The following RGS22 variants were observed in gnomAD, a reference collection of about 807,000 sequenced individuals.
The protein encoded by RGS22 is regulator of G protein signaling 22.
Under a neutral mutation model 172.9 loss-of-function variants are expected in RGS22, and 148 were observed. The observed-to-expected ratio is 0.86, with a 90% confidence interval of 0.75 to 0.98. RGS22 has a LOEUF of 0.98. RGS22 is among the 50% of genes least tolerant of loss of function. RGS22 has a pLI of 0.00. For missense variants in RGS22, 1,347 were observed against 1,440.8 expected (o/e 0.93, Z 1.05); for synonymous variants, 458 against 480.2 (o/e 0.95, Z 0.60).
intron 3 of RGS22, among the ~76,000 whole-genome samples, chr8:100,086,188 T>C (rs1812146532): frequency 6.6e-6 from 1 of 151,858 alleles, no homozygotes; most frequent in African/African-American, 2.4e-5. Context: ...AAAATAAAAA[T>C]AAAAGATACA....
chr8:100,002,430 C>A, intron 17 of RGS22, 66 bp from the exon 18 acceptor site: 1 of 1,469,808 alleles, frequency 6.8e-7, no homozygotes, highest in Non-Finnish European at 9.1e-7. Flanking sequence ...AGTAAACACC[C>A]GATTGTTGTT....
intron 4 of RGS22, among the ~76,000 whole-genome samples, chr8:100,073,041 T>C (rs1248609231): frequency 6.6e-6 from 1 of 152,226 alleles, no homozygotes; most frequent in Non-Finnish European, 1.5e-5. Context: ...GTTACTGTTG[T>C]TCATCCTAAA....
At chr8:99,996,823 C>T (rs183004166) in intron 19 of RGS22, among the ~76,000 whole-genome samples, 9 of 152,270 alleles carry the variant, frequency 5.9e-5, no homozygotes, top group East Asian at 5.8e-4. Context: ...AAGACAATTA[C>T]GACTTCTCAG....
intron 11 of RGS22, among the ~76,000 whole-genome samples, chr8:100,044,012 T>G (rs1188785225): frequency 6.6e-6 from 1 of 152,012 alleles, no homozygotes; most frequent in Non-Finnish European, 1.5e-5. Context: ...GAGACACAAA[T>G]TACCAAAAAT....
intron 24 of RGS22, among the ~76,000 whole-genome samples, chr8:99,963,325 T>A (rs947303715): frequency 4.6e-5 from 7 of 152,210 alleles, no homozygotes; most frequent in African/African-American, 1.7e-4. Flanking sequence ...GTGGTGATAT[T>A]CTGTTTCTCA....
intron 23 of RGS22, among the ~76,000 whole-genome samples, chr8:99,975,955 T>G (rs907591547): frequency 6.6e-6 from 1 of 152,098 alleles, no homozygotes; most frequent in Non-Finnish European, 1.5e-5. Context: ...TTTGGGAGGC[T>G]GAGGTGGGCG....
At chr8:99,972,070 G>C (rs1360321902) in intron 23 of RGS22, among the ~76,000 whole-genome samples, 1 of 152,104 alleles carries the variant, frequency 6.6e-6, no homozygotes, top group Non-Finnish European at 1.5e-5. Flanking sequence ...CAATGGAACA[G>C]AACAGAGGCC....
At chr8:99,991,143 C>T (rs1264747834) in intron 20 of RGS22, among the ~76,000 whole-genome samples, 1 of 152,160 alleles carries the variant, frequency 6.6e-6, no homozygotes, top group African/African-American at 2.4e-5. Flanking sequence ...GTAGATAAAA[C>T]CACAAAGATG....
chr8:99,961,516 G>A (rs531058607), intron 27 of RGS22, among the ~76,000 whole-genome samples: 1 of 152,296 alleles, frequency 6.6e-6, no homozygotes, highest in Admixed American at 6.5e-5. Context: ...CTTGAAGAAG[G>A]ACATGTTTGC....
At chr8:100,085,709 G>A (rs766391980) in intron 3 of RGS22, among the ~76,000 whole-genome samples, 9 of 152,168 alleles carry the variant, frequency 5.9e-5, no homozygotes, top group Non-Finnish European at 8.8e-5. Flanking sequence ...ACAACATACT[G>A]TAAGAGGCAG....
chr8:100,016,398 G>A (rs762490836), intron 14 of RGS22, among the ~76,000 whole-genome samples: 2 of 151,980 alleles, frequency 1.3e-5, no homozygotes, highest in East Asian at 1.9e-4. Context: ...TCCTCACCAC[G>A]TTTATTGAAT....
chr8:100,087,965 C>A (rs761542088), intron 3 of RGS22, among the ~76,000 whole-genome samples: 2 of 152,068 alleles, frequency 1.3e-5, no homozygotes, highest in African/African-American at 4.8e-5. Flanking sequence ...CCCAGAGGTG[C>A]AAACACTGAA....
At position 100,063,655 on chromosome 8, in the gene RGS22, T is replaced by G; in HGVS notation, c.1113A>C (p.Gln371His). 1 of 1,614,106 alleles carries G rather than the reference T, an allele frequency of 6.2e-7. No homozygotes were observed. Among genetic ancestry groups the G allele is most frequent in the Non-Finnish European group, 8.5e-7 (1 of 1,180,008 alleles). Residue 371 changes from glutamine (Q) to histidine (H), a missense_variant, in exon 8 of 28, where the codon CAA becomes CAC. Transcript: ENST00000360863. ...TCTCTTCTGACCTCTCCTTTGTAGT[T>G]TGAACTAATTCACTTAAAAAATTCT... Reference protein sequence around the residue: ...HGKNFLSELVQTTKERSEEIE... With the variant: ...HGKNFLSELVHTTKERSEEIE...
intron 9 of RGS22, among the ~76,000 whole-genome samples, chr8:100,059,278 T>C (rs972736666): frequency 7.9e-5 from 12 of 151,894 alleles, no homozygotes; most frequent in African/African-American, 1.2e-4. Flanking sequence ...ATGGCAGAAG[T>C]CCTTACTTAT....
chr8:99,984,770 A>G (rs1225415973), intron 21 of RGS22, among the ~76,000 whole-genome samples: 1 of 150,112 alleles, frequency 6.7e-6, no homozygotes, highest in Non-Finnish European at 1.5e-5. Context: ...GGATAAATAA[A>G]TCCTTCCAGT....
At chr8:100,019,322 TGTTA>T (rs1817350831) in intron 14 of RGS22, among the ~76,000 whole-genome samples, 1 of 152,262 alleles carries the variant, frequency 6.6e-6, no homozygotes, top group South Asian at 2.1e-4. Flanking sequence ...ACATTTCAGC[TGTTA>T]GTTATGTTAA....
At chr8:100,064,444 T>C (rs1168919290) in intron 7 of RGS22, among the ~76,000 whole-genome samples, 8 of 151,248 alleles carry the variant, frequency 5.3e-5, no homozygotes, top group Admixed American at 1.3e-4. Context: ...GCCTGGGCAA[T>C]AGAGCAAGAC....
At chr8:100,006,148 G>A in intron 15 of RGS22, 39 bp from the exon 16 acceptor site, 2 of 1,530,666 alleles carry the variant, frequency 1.3e-6, no homozygotes, top group African/African-American at 2.8e-5. Context: ...TCAAGAGAAT[G>A]TACAATTTGC....
Position 99,962,433 on chromosome 8 carries a change from A to T in RGS22, c.*6T>A. The T allele has an allele frequency of 6.2e-7, 1 of 1,613,764 alleles. No individual in the cohort carries two copies. The highest frequency in any genetic ancestry group is 8.5e-7 in the Non-Finnish European group (1 of 1,179,676). ...CAGCAGGATGTAAACATTCACAAGAATGCTGTCACTCTGGAAAAGACATGA... is the reference window on the plus strand; with the variant it reads ...CAGCAGGATGTAAACATTCACAAGATTGCTGTCACTCTGGAAAAGACATGA... On this transcript the variant is annotated 3_prime_UTR_variant, in exon 27 of 28. Transcript: ENST00000360863.
Sources: allele counts gnomAD v4.1 joint callset (sites outside exome capture counted in the v4.1 genomes callset), GRCh38; gene constraint gnomAD v4.1.1; transcripts MANE v1.5; gene names NCBI Gene and HGNC (gene_info 2026-07-23, HGNC 2026-07-21).